GABRA4: variants seen among roughly 807,000 people sequenced by gnomAD.
GABRA4 encodes gamma-aminobutyric acid type A receptor subunit alpha4.
Under a neutral mutation model 49.7 loss-of-function variants are expected in GABRA4, and 12 were observed. The ratio of observed to expected loss-of-function variants is 0.24; its 90% confidence interval spans 0.15 to 0.39. The LOEUF is 0.39. Ranked by LOEUF, GABRA4 falls within the 10% of genes least tolerant of loss-of-function variation. GABRA4 has a pLI of 1.00. For missense variants in GABRA4, 506 were observed against 686.0 expected (o/e 0.74, Z 2.93); for synonymous variants, 288 against 240.2 (o/e 1.20, Z -1.84).
rs779534398 is a variant in GABRA4 at position 46,928,753 on chromosome 4, A to G, written c.1137T>C (p.Asn379=). 1 of 1,602,828 alleles carries G rather than the reference A, an allele frequency of 6.2e-7. No individual in the cohort carries two copies. The highest frequency in any genetic ancestry group is 1.7e-5 in the Admixed American group (1 of 59,504). The change falls in exon 9 of 9, where the codon AAT becomes AAC. Residue 379 remains asparagine (N), a splice_region_variant and synonymous_variant. Transcript: ENST00000264318. ...TTCTCATGTTCAAATTGGCATTTGTATTCTGAAAAGGTATATGAAAAAATA... is the reference window on the plus strand; with the variant it reads ...TTCTCATGTTCAAATTGGCATTTGTGTTCTGAAAAGGTATATGAAAAAATA... ...REKHPEAPLQ[N]TNANLNMRKR...
At chr4:46,992,796 G>T in intron 2 of GABRA4, 32 bp downstream of exon 2, 2 of 1,455,468 alleles carry the variant, frequency 1.4e-6, no homozygotes, top group East Asian at 2.3e-5. Context: ...GGGACAGACA[G>T]GACACACTTG....
At chr4:46,966,872 T>C (rs1450490649) in intron 7 of GABRA4, among the ~76,000 whole-genome samples, 1 of 151,740 alleles carries the variant, frequency 6.6e-6, no homozygotes, top group Non-Finnish European at 1.5e-5. Context: ...AAATAGATTA[T>C]AAAATGAGTT....
rs764099472 is a variant in GABRA4, at chr4:46,974,283, A to G, written c.670T>C (p.Tyr224His). ...VPKESSSLVQ[Y>H]DLIGQTVSSE... ...GATACGGTTTGCCCAATCAAATCAT[A>G]TTGAACTAAGCTGGAAGACTCCTTC... Residue 224 changes from tyrosine (Y) to histidine (H), a missense_variant, in exon 6 of 9, where the codon TAT (tyrosine) becomes CAT (histidine). Tyr to His is a moderately conservative substitution (Grantham distance 83). This residue lies in a region of GABRA4 where 195 missense variants were observed against 326.0 expected (regional missense o/e 0.60). Coordinates refer to ENST00000264318, the MANE Select transcript of GABRA4 (RefSeq NM_000809.4). 6.2e-7 allele frequency: 1 copy of G among 1,611,740 alleles called. No individual in the cohort carries two copies. The highest frequency in any genetic ancestry group is 1.1e-5 in the South Asian group (1 of 90,932).
intron 8 of GABRA4, among the ~76,000 whole-genome samples, chr4:46,938,601 T>A (rs1380566413): frequency 6.6e-6 from 1 of 152,106 alleles, no homozygotes; most frequent in Non-Finnish European, 1.5e-5. Flanking sequence ...GGAATTCCAA[T>A]TTCCAATTCC....
chr4:46,950,012 G>A (rs7689605), intron 8 of GABRA4, among the ~76,000 whole-genome samples: 17,361 of 152,060 alleles, frequency 0.11, 1,176 homozygotes, highest in South Asian at 0.23. Flanking sequence ...CTTGTTCTAT[G>A]TATAACAGGT....
intron 7 of GABRA4, among the ~76,000 whole-genome samples, chr4:46,969,967 A>T (rs990719372): frequency 6.6e-6 from 1 of 151,144 alleles, no homozygotes; most frequent in Non-Finnish European, 1.5e-5. Context: ...TTGCCCCCCC[A>T]TATGAGTTTC....
chr4:46,940,740 C>A (rs971259700), intron 8 of GABRA4, among the ~76,000 whole-genome samples: 5 of 151,598 alleles, frequency 3.3e-5, no homozygotes, highest in East Asian at 1.9e-4. Context: ...ACTCTCAACA[C>A]CCCCCAAAAA....
chr4:46,966,704 A>C (rs1722765085), intron 7 of GABRA4, among the ~76,000 whole-genome samples: 1 of 151,736 alleles, frequency 6.6e-6, no homozygotes, highest in Non-Finnish European at 1.5e-5. Flanking sequence ...CTAAATCTTC[A>C]ATGCTTAGAA....
chr4:46,926,684 G>C lies in GABRA4; in HGVS notation c.*1541C>G, dbSNP rs1395920831. The stretch of plus-strand genomic sequence containing the variant: ...TCACTCATCCATTCCAGAGCAGATA[G>C]AGAGAAGCACAGAAGAAAATCTAGA... On this transcript the variant is annotated 3_prime_UTR_variant, in exon 9 of 9. Transcript: ENST00000264318. The C allele has an allele frequency of 1.3e-5, 2 of 151,920 alleles. No individual in the cohort carries two copies. Among genetic ancestry groups the C allele is most frequent in the African/African-American group, 4.8e-5 (2 of 41,416 alleles). The allele number at this position is 151,920 out of a possible 1,614,324, so 9.4% of individuals were successfully genotyped here.
chr4:46,951,602 T>C (rs1722174038), intron 8 of GABRA4, among the ~76,000 whole-genome samples: 1 of 151,932 alleles, frequency 6.6e-6, no homozygotes, highest in African/African-American at 2.4e-5. Flanking sequence ...TCAATCCCAA[T>C]CTCCAAGTGC....
In GABRA4 at chr4:46,952,636, A is replaced by G. The variant is rs1339158108; in HGVS notation, c.1134+12334T>C. 2.6e-5 allele frequency among the ~76,000 whole-genome samples: 4 copies of G among 152,096 alleles called. No homozygotes were observed. In the South Asian group the frequency reaches 8.3e-4, roughly 32 times the overall value. On this transcript the variant is annotated intron_variant, in intron 8 of 8. Coordinates refer to ENST00000264318, the MANE Select transcript of GABRA4 (RefSeq NM_000809.4). ...GGAAAATTAGCTCCTCAAAATAGCA[A>G]AAGGGAAAATTGGCAGCTTAGTCAA...
chr4:46,943,446 C>G (rs1347863582), intron 8 of GABRA4, among the ~76,000 whole-genome samples: 1 of 152,110 alleles, frequency 6.6e-6, no homozygotes, highest in Non-Finnish European at 1.5e-5. Flanking sequence ...CCTTATGCAC[C>G]TTTTATCTCT....
Position 46,921,644 on chromosome 4 carries a change from C to T in GABRA4, c.*6581G>A, listed in dbSNP as rs953812462. ...GTAAAAGCCATGTAGCTCTGGTGGTCATATCAGTAAAAGATACTCTGGTCA... is the reference window on the plus strand; with the variant it reads ...GTAAAAGCCATGTAGCTCTGGTGGTTATATCAGTAAAAGATACTCTGGTCA... On this transcript the variant is annotated 3_prime_UTR_variant, in exon 9 of 9. Coordinates refer to ENST00000264318, the MANE Select transcript of GABRA4 (RefSeq NM_000809.4). 3 of 151,794 alleles carry T rather than the reference C, an allele frequency of 2.0e-5. No homozygotes were observed. The highest frequency in any genetic ancestry group is 4.8e-5 in the African/African-American group (2 of 41,348). The allele number at this position is 151,794 out of a possible 1,614,324, so 9.4% of individuals were successfully genotyped here.
chr4:46,992,344 C>G (rs1253775221), intron 2 of GABRA4, among the ~76,000 whole-genome samples: 2 of 152,208 alleles, frequency 1.3e-5, no homozygotes, highest in African/African-American at 4.8e-5. Context: ...ACTGGGTTCT[C>G]TAGCAGAGCA....
chr4:46,991,422 A>G (rs1317655173), intron 2 of GABRA4, among the ~76,000 whole-genome samples: 1 of 152,126 alleles, frequency 6.6e-6, no homozygotes, highest in Non-Finnish European at 1.5e-5. Context: ...ATCTGCCCAT[A>G]AAGGTTTTAA....
chr4:46,938,252 C>G (rs534026517), intron 8 of GABRA4, among the ~76,000 whole-genome samples: 19 of 152,132 alleles, frequency 1.2e-4, no homozygotes, highest in Non-Finnish European at 2.5e-4. Context: ...CAAACTCAGA[C>G]AATATTTGCA....
intron 8 of GABRA4, 50 bp downstream of exon 8, chr4:46,964,920 T>A (rs1195739974): frequency 1.3e-6 from 2 of 1,495,816 alleles, no homozygotes; most frequent in African/African-American, 2.8e-5. Context: ...ACAAAATAAA[T>A]TTGACCAAGA....
At chr4:46,982,390 C>A (rs990047903) in intron 2 of GABRA4, among the ~76,000 whole-genome samples, 1 of 151,788 alleles carries the variant, frequency 6.6e-6, no homozygotes, top group Admixed American at 6.6e-5. Flanking sequence ...GACACACACA[C>A]ACACACATAG....
At position 46,958,411 on chromosome 4, in the gene GABRA4, C is replaced by T. The variant is rs373713732; in HGVS notation, c.1134+6559G>A. Among the ~76,000 whole-genome samples, 13 of 151,846 alleles carry T rather than the reference C, an allele frequency of 8.6e-5. 2 individuals carry two copies. The highest frequency in any genetic ancestry group is 2.6e-4 in the Admixed American group (4 of 15,210). On this transcript the variant is annotated intron_variant, in intron 8 of 8. Coordinates refer to ENST00000264318, the MANE Select transcript of GABRA4 (RefSeq NM_000809.4). ...GGCTGGATAAGAACTAAAGAATATACGATTGAAGTGATTTTTAAAAATATC... is the reference window on the plus strand; with the variant it reads ...GGCTGGATAAGAACTAAAGAATATATGATTGAAGTGATTTTTAAAAATATC...
Sources: gnomAD v4.1 joint callset for allele counts (sites outside exome capture counted in the v4.1 genomes callset) on GRCh38, gnomAD v4.1.1 for gene constraint, gnomAD v4.1.1 regional missense constraint, MANE v1.5 for transcripts, NCBI Gene and HGNC (gene_info 2026-07-23, HGNC 2026-07-21) for gene names.